The following TJP1 variants were observed in gnomAD, a reference collection of about 807,000 sequenced individuals.
TJP1 encodes the protein tight junction protein 1, also known as tight junction protein ZO-1.
TJP1 carries 43 observed loss-of-function variants against 194.2 expected under a neutral mutation model. That is an observed-to-expected ratio of 0.22 (90% CI 0.17 to 0.29). The LOEUF (loss-of-function observed/expected upper bound fraction) is 0.29, where lower values mean the gene tolerates loss of function less well. Ranked by LOEUF, TJP1 falls within the 10% of genes least tolerant of loss-of-function variation. The pLI is 1.00. For synonymous variants in TJP1, 801 were observed against 779.0 expected (o/e 1.03, Z -0.47); for missense variants, 1,971 against 2,185.7 (o/e 0.90, Z 1.96).
chr15:29,909,554 T>C (rs538419959), intron 2 of TJP1, among the ~76,000 whole-genome samples: 94 of 152,148 alleles, frequency 6.2e-4, no homozygotes, highest in African/African-American at 2.1e-3. Context: ...AAGCCTACCC[T>C]GTAGCCAGCC....
intron 2 of TJP1, among the ~76,000 whole-genome samples, chr15:29,927,250 G>A (rs184041862): frequency 7.3e-4 from 111 of 152,270 alleles, no homozygotes; most frequent in Non-Finnish European, 1.4e-3. Flanking sequence ...AACCTGGGAG[G>A]CAGAGGTTGC....
intron 26 of TJP1, among the ~76,000 whole-genome samples, chr15:29,704,928 T>A (rs914933983): frequency 2.0e-5 from 3 of 152,174 alleles, no homozygotes; most frequent in Non-Finnish European, 2.9e-5. Flanking sequence ...ACTAAATTTG[T>A]TTAGGAAGTA....
At position 29,732,514 on chromosome 15, in the gene TJP1, G is replaced by A; in HGVS notation, c.1936C>T (p.Pro646Ser). Residue 646 changes from proline to serine, a missense_variant, in exon 15 of 28, where the codon CCT becomes TCT. This residue lies in a region of TJP1 where 402 missense variants were observed against 484.2 expected (regional missense o/e 0.83). Transcript: ENST00000614355. ...GCTATTGGTCCAAAAATGGTTACAGGCCTCAGAAATCCAGCTGGAGAGAAA... is the reference window on the plus strand; with the variant it reads ...GCTATTGGTCCAAAAATGGTTACAGACCTCAGAAATCCAGCTGGAGAGAAA... ...VVLREAGFLR[P>S]VTIFGPIADV... 1 of 1,614,082 alleles carries A rather than the reference G, an allele frequency of 6.2e-7. No individual in the cohort carries two copies.
chr15:29,886,366 C>T (rs2053115350), intron 2 of TJP1, among the ~76,000 whole-genome samples: 1 of 151,396 alleles, frequency 6.6e-6, no homozygotes, highest in Non-Finnish European at 1.5e-5. Context: ...GAAAACAAAA[C>T]CTAAATATTA....
intron 10 of TJP1, among the ~76,000 whole-genome samples, chr15:29,739,780 C>T (rs2044275079): frequency 6.6e-6 from 1 of 151,812 alleles, no homozygotes; most frequent in African/African-American, 2.4e-5. Flanking sequence ...TTTCCTAAAC[C>T]TCAAACACTT....
chr15:29,820,876 G>A (rs2050284123), intron 1 of TJP1, among the ~76,000 whole-genome samples: 2 of 152,146 alleles, frequency 1.3e-5, no homozygotes, highest in East Asian at 1.9e-4. Context: ...ATTAATAAGT[G>A]TAACCGCTAG....
chr15:29,761,856 C>T, intron 6 of TJP1, 87 bp from the exon 7 acceptor site: 2 of 1,308,354 alleles, frequency 1.5e-6, no homozygotes, highest in South Asian at 4.0e-5. Flanking sequence ...ATATCCAAAC[C>T]ACTCCTTGCT....
In TJP1 at chr15:29,761,150, T is replaced by G; in HGVS notation, c.999A>C (p.Pro333=). 1 of 1,597,804 alleles carries G rather than the reference T, an allele frequency of 6.3e-7. No individual in the cohort carries two copies. Among genetic ancestry groups the G allele is most frequent in the Non-Finnish European group, 8.5e-7 (1 of 1,171,970 alleles). ...ATAGGGTGTCTTACCTGCCATTGCTTGGCTGCTGCGGCGAGTGCCTGGAAT... is the reference window on the plus strand; with the variant it reads ...ATAGGGTGTCTTACCTGCCATTGCTGGGCTGCTGCGGCGAGTGCCTGGAAT... ...SDHSRHSPQQ[P]SNGSLRSRDE... is the part of the protein sequence containing the mutation. Residue 333 remains proline (P), a synonymous_variant, in exon 8 of 28, where the codon CCA becomes CCC. Transcript: ENST00000614355.
intron 1 of TJP1, among the ~76,000 whole-genome samples, chr15:29,816,452 G>A (rs2049930724): frequency 1.3e-5 from 2 of 152,154 alleles, no homozygotes; most frequent in South Asian, 4.1e-4. Context: ...GTAAAATGTA[G>A]TTAGGATTAT....
At chr15:29,724,908 A>G (rs1431230012) in intron 18 of TJP1, among the ~76,000 whole-genome samples, 1 of 152,200 alleles carries the variant, frequency 6.6e-6, no homozygotes, top group Non-Finnish European at 1.5e-5. Flanking sequence ...AAAATACTTT[A>G]TAGAAAATTA....
intron 2 of TJP1, among the ~76,000 whole-genome samples, chr15:29,785,916 C>T (rs1595888063): frequency 6.6e-6 from 1 of 152,288 alleles, no homozygotes; most frequent in Non-Finnish European, 1.5e-5. Context: ...CAATCATGAC[C>T]TTATGGAAGA....
intron 27 of TJP1, 88 bp from the exon 28 acceptor site, chr15:29,701,777 T>C (rs970093088): frequency 3.3e-6 from 3 of 915,024 alleles, no homozygotes; most frequent in Admixed American, 2.2e-5. Context: ...TACGTATATT[T>C]AGACATAATT....
intron 2 of TJP1, among the ~76,000 whole-genome samples, chr15:29,790,442 G>A (rs944522770): frequency 1.8e-5 from 1 of 54,452 alleles, no homozygotes; most frequent in Admixed American, 2.3e-4. Flanking sequence ...ATATTTATGG[G>A]ATCCACATCA....
intron 15 of TJP1, among the ~76,000 whole-genome samples, chr15:29,730,314 G>T (rs551215146): frequency 6.6e-6 from 1 of 152,166 alleles, no homozygotes; most frequent in East Asian, 1.9e-4. Flanking sequence ...GGGTACAGTG[G>T]CTCACACCTG....
At chr15:29,825,528 G>A (rs2152034097), upstream of TJP1, among the ~76,000 whole-genome samples, 1 of 152,290 alleles carries the variant, frequency 6.6e-6, no homozygotes, top group African/African-American at 2.4e-5. Context: ...ACACATTTTA[G>A]ATAGAACTAC....
intron 2 of TJP1, among the ~76,000 whole-genome samples, chr15:29,835,171 C>T (rs2050984480): frequency 6.6e-6 from 1 of 151,938 alleles, no homozygotes; most frequent in Non-Finnish European, 1.5e-5. Flanking sequence ...ACTATGAGGC[C>T]AATGTGAGAT....
intron 4 of TJP1, among the ~76,000 whole-genome samples, chr15:29,768,796 C>T (rs765680979): frequency 4.0e-5 from 6 of 151,714 alleles, no homozygotes; most frequent in Non-Finnish European, 8.8e-5. Context: ...CAACTATGCT[C>T]GATTTTAACA....
chr15:29,958,995 T>TTG lies in TJP1; in HGVS notation c.174-2632_174-2631insCA, dbSNP rs1555461225. Among the ~76,000 whole-genome samples, 368 of 137,164 alleles carry TTG rather than the reference T, an allele frequency of 2.7e-3. 3 individuals carry two copies. Among genetic ancestry groups the TTG allele is most frequent in the African/African-American group, 0.013 (362 of 28,246 alleles). 90.0% of individuals were successfully genotyped at this position (137,164 alleles called of 152,430 possible). A position where few individuals can be genotyped will look rare whatever the true frequency, so the allele number is the denominator to read the frequency against. ...TTTCTAAAGTAGCTAGTTTTTTTTTTTTGTTTTTTTTTGAGTCGGAGTCTC... is the reference window on the plus strand; with the variant it reads ...TTTCTAAAGTAGCTAGTTTTTTTTTTTGTTGTTTTTTTTTGAGTCGGAGTCTC... On this transcript the variant is annotated intron_variant, in intron 1 of 28. Transcript: ENST00000356107.
At chr15:29,756,667 C>CAT (rs1257202760) in intron 8 of TJP1, among the ~76,000 whole-genome samples, 1 of 152,114 alleles carries the variant, frequency 6.6e-6, no homozygotes, top group Non-Finnish European at 1.5e-5. Flanking sequence ...CACAGAGGAA[C>CAT]ATAAGTAGGT....
Sources: gnomAD v4.1 joint callset for allele counts (sites outside exome capture counted in the v4.1 genomes callset) on GRCh38, gnomAD v4.1.1 for gene constraint, gnomAD v4.1.1 regional missense constraint, MANE v1.5 for transcripts, NCBI Gene and HGNC (gene_info 2026-07-23, HGNC 2026-07-21) for gene names.